Variants in FAIM observed in about 807,000 individuals in gnomAD.
FAIM encodes fas apoptotic inhibitory molecule 1.
FAIM carries 14 observed loss-of-function variants against 21.2 expected under a neutral mutation model. That is an observed-to-expected ratio of 0.66 (90% CI 0.44 to 1.03). The LOEUF (loss-of-function observed/expected upper bound fraction) is 1.03. FAIM is among the 50% of genes least tolerant of loss of function. The pLI, the probability that FAIM is intolerant of heterozygous loss-of-function variation, is 0.00. For missense variants in FAIM, 222 were observed against 247.1 expected (o/e 0.90, Z 0.68); for synonymous variants, 86 against 80.4 (o/e 1.07, Z -0.37).
rs915578891 is a variant in FAIM at position 138,633,157 on chromosome 3, C to G, written c.*78C>G. On this transcript the variant is annotated 3_prime_UTR_variant, in exon 6 of 6. Coordinates refer to ENST00000360570, the MANE Select transcript of FAIM (RefSeq NM_001033031.2). Reference sequence around the variant, plus strand: ...TTAAATGTGTTCAGTATGTACTTATCAGTACATTTAGTCTGCAATGTTTTA... The same window carrying G: ...TTAAATGTGTTCAGTATGTACTTATGAGTACATTTAGTCTGCAATGTTTTA... 7.3e-6 allele frequency: 9 copies of G among 1,227,766 alleles called. No individual in the cohort carries two copies. In the African/African-American group the frequency reaches 1.2e-4, roughly 17 times the overall value. 76.1% of individuals were successfully genotyped at this position (1,227,766 alleles called of 1,614,324 possible).
At chr3:138,609,567 T>A (rs1353215053) in intron 1 of FAIM, among the ~76,000 whole-genome samples, 1 of 93,418 alleles carries the variant, frequency 1.1e-5, no homozygotes, top group Non-Finnish European at 2.1e-5. Context: ...TCTCTCTCTC[T>A]CTCTCTCTCG....
intron 1 of FAIM, among the ~76,000 whole-genome samples, chr3:138,619,066 C>A (rs759309488): frequency 6.6e-6 from 1 of 152,284 alleles, no homozygotes; most frequent in East Asian, 1.9e-4. Flanking sequence ...GTGGATTCAT[C>A]ATTGGCACTA....
chr3:138,620,951 T>C (rs148150527), intron 2 of FAIM, among the ~76,000 whole-genome samples: 1 of 152,240 alleles, frequency 6.6e-6, no homozygotes, highest in African/African-American at 2.4e-5. Flanking sequence ...AACAAATCCC[T>C]AGTGCGAGTT....
At chr3:138,622,567 A>T (rs951321041) in intron 4 of FAIM, 151 bp downstream of exon 4, 41 of 591,440 alleles carry the variant, frequency 6.9e-5, no homozygotes, top group Middle Eastern at 4.5e-4. Flanking sequence ...CATTAAAAAA[A>T]TTTTTTGTTT....
intron 1 of FAIM, among the ~76,000 whole-genome samples, chr3:138,611,368 A>C (rs900125344): frequency 1.3e-5 from 2 of 152,120 alleles, no homozygotes. Flanking sequence ...TAATATAATT[A>C]ACTTTTTGAA....
At chr3:138,615,162 G>A (rs1380946868) in intron 1 of FAIM, among the ~76,000 whole-genome samples, 1 of 152,198 alleles carries the variant, frequency 6.6e-6, no homozygotes, top group Admixed American at 6.5e-5. Flanking sequence ...ATGTTACAAT[G>A]AAGTCTTGGC....
At chr3:138,616,003 G>C (rs1358108450) in intron 1 of FAIM, among the ~76,000 whole-genome samples, 2 of 152,126 alleles carry the variant, frequency 1.3e-5, no homozygotes, top group Non-Finnish European at 2.9e-5. Context: ...CATTTGAAAA[G>C]TTTTCTTTGC....
rs543788516 is a variant in FAIM, at chr3:138,624,092, A to G, written c.406+1676A>G. On this transcript the variant is annotated intron_variant, in intron 4 of 5. Transcript: ENST00000360570. ...CTTATCCCTTATATTTCCAAATTTC[A>G]TAGTGATATGTTTAGGAATATAGTT... Among the ~76,000 whole-genome samples, 3 of 152,224 alleles carry G rather than the reference A, an allele frequency of 2.0e-5. No individual in the cohort carries two copies. The East Asian group carries it at 5.8e-4, about 29-fold the overall frequency.
chr3:138,626,356 G>C (rs2042938951), intron 4 of FAIM, among the ~76,000 whole-genome samples: 1 of 152,152 alleles, frequency 6.6e-6, no homozygotes, highest in Non-Finnish European at 1.5e-5. Context: ...TTCCATCCCT[G>C]TTCCCATCTG....
chr3:138,627,214 C>T (rs370315390), intron 4 of FAIM, among the ~76,000 whole-genome samples: 13 of 150,272 alleles, frequency 8.7e-5, no homozygotes, highest in African/African-American at 3.2e-4. Context: ...CAGGATCTCA[C>T]TCTGTCGCCC....
In FAIM at chr3:138,629,102, T is replaced by C. The variant is rs1302405253; in HGVS notation, c.407-5T>C. 6.2e-7 allele frequency: 1 copy of C among 1,600,710 alleles called. No individual in the cohort carries two copies. Among genetic ancestry groups the C allele is most frequent in the South Asian group, 1.1e-5 (1 of 89,016 alleles). ...TAACTTAAAGTTTTTATGTTACCTT[T>C]ACAGAAAAAGATGCTATGGACGTAT... On this transcript the variant is annotated splice_polypyrimidine_tract_variant and splice_region_variant and intron_variant, in intron 4 of 5. Coordinates refer to ENST00000360570, the MANE Select transcript of FAIM (RefSeq NM_001033031.2).
At chr3:138,617,311 T>C (rs958334156) in intron 1 of FAIM, among the ~76,000 whole-genome samples, 2 of 150,300 alleles carry the variant, frequency 1.3e-5, no homozygotes, top group Non-Finnish European at 3.0e-5. Context: ...CCTAAATACA[T>C]TCTGATTTAC....
chr3:138,622,482 C>A, intron 4 of FAIM, 66 bp downstream of exon 4: 1 of 1,036,104 alleles, frequency 9.7e-7, no homozygotes, highest in Non-Finnish European at 1.4e-6. Flanking sequence ...ATTCCTGTAA[C>A]TGTATTCAGA....
At chr3:138,609,614 ACTCTCTCTCT>A (rs1211208979) in intron 1 of FAIM, among the ~76,000 whole-genome samples, 7 of 25,414 alleles carry the variant, frequency 2.8e-4, no homozygotes, top group Non-Finnish European at 4.7e-4. Context: ...CTCTCTCTCG[ACTCTCTCTCT>A]CTCTCTCTCT....
At chr3:138,631,091 T>C (rs1225458765) in intron 5 of FAIM, 3 of 151,222 alleles carry the variant, frequency 2.0e-5, no homozygotes, top group African/African-American at 7.3e-5. Context: ...TGAGCCAAGG[T>C]TGCACCACGG....
chr3:138,611,619 TG>T (rs768948802), intron 1 of FAIM, among the ~76,000 whole-genome samples: 2 of 152,180 alleles, frequency 1.3e-5, no homozygotes, highest in Non-Finnish European at 2.9e-5. Flanking sequence ...TATTGGGAAG[TG>T]GGGCCTAATG....
At chr3:138,615,418 A>AC (rs1489176490) in intron 1 of FAIM, among the ~76,000 whole-genome samples, 1 of 152,210 alleles carries the variant, frequency 6.6e-6, no homozygotes, top group Non-Finnish European at 1.5e-5. Flanking sequence ...CTTTGTATAG[A>AC]CCATCCAGAG....
Position 138,611,441 on chromosome 3 carries a change from G to T in FAIM, c.-17+2504G>T, listed in dbSNP as rs558098196. Among the ~76,000 whole-genome samples the T allele has an allele frequency of 2.5e-4, 38 of 152,174 alleles. 1 individual carries two copies. In the South Asian group the frequency reaches 6.9e-3, roughly 27 times the overall value. On this transcript the variant is annotated intron_variant, in intron 1 of 5. Coordinates refer to ENST00000360570, the MANE Select transcript of FAIM (RefSeq NM_001033031.2). ...CAATTTTTTAGTGTACAATTCAGGG[G>T]CATTAAGTACATTCACAATAGTGTG...
At chr3:138,631,613 A>G in intron 5 of FAIM, among the ~76,000 whole-genome samples, 1 of 152,146 alleles carries the variant, frequency 6.6e-6, no homozygotes, top group East Asian at 1.9e-4. Context: ...AGCCTTCCCC[A>G]GTACTGTACG....
Sources: allele counts gnomAD v4.1 joint callset (sites outside exome capture counted in the v4.1 genomes callset), GRCh38; gene constraint gnomAD v4.1.1; transcripts MANE v1.5; gene names NCBI Gene and HGNC (gene_info 2026-07-23, HGNC 2026-07-21).